MAN1C1: variants seen among roughly 807,000 people sequenced by gnomAD.
MAN1C1 encodes the protein mannosyl-oligosaccharide 1,2-alpha-mannosidase IC.
A neutral mutation model predicts 71.5 loss-of-function variants in MAN1C1; 49 were observed. The ratio of observed to expected loss-of-function variants is 0.69; its 90% CI spans 0.54 to 0.87. MAN1C1 has a LOEUF of 0.87. Among genes scored for constraint, MAN1C1 ranks in the 40% least tolerant of loss-of-function variants. MAN1C1 has a pLI of 0.00. For missense variants in MAN1C1, 743 were observed against 835.0 expected, an observed-to-expected ratio of 0.89 and a Z score of 1.36; for synonymous variants, 352 against 343.7, an observed-to-expected ratio of 1.02 and a Z score of -0.27.
At position 25,731,337 on chromosome 1, in the gene MAN1C1, T is replaced by TCAC. The variant is rs1296856491; in HGVS notation, c.638-15329_638-15328insCCA. ...AAAATAACAATAATCATCATCATCGTCATCATCATCATCATCATCATCATC... is the reference window on the plus strand; with the variant it reads ...AAAATAACAATAATCATCATCATCGTCACCATCATCATCATCATCATCATCATC... On this transcript the variant is annotated intron_variant, in intron 2 of 11. Transcript: ENST00000374332. 6.4e-3 allele frequency among the ~76,000 whole-genome samples: 626 copies of TCAC among 97,736 alleles called. 2 individuals carry two copies. Among genetic ancestry groups the TCAC allele is most frequent in the African/African-American group, 0.044 (545 of 12,444 alleles). 64.1% of individuals were successfully genotyped at this position (97,736 alleles called of 152,430 possible).
At chr1:25,733,873 T>C (rs1423957357) in intron 2 of MAN1C1, among the ~76,000 whole-genome samples, 7 of 150,840 alleles carry the variant, frequency 4.6e-5, no homozygotes, top group East Asian at 2.0e-4. Context: ...GATCTTGGCT[T>C]GCTGCAAGCT....
chr1:25,629,645 T>A (rs1316595698), intron 1 of MAN1C1, among the ~76,000 whole-genome samples: 2 of 152,132 alleles, frequency 1.3e-5, no homozygotes, highest in Non-Finnish European at 2.9e-5. Context: ...GGTCTCGAAC[T>A]CCCTACCTCA....
In MAN1C1 at chr1:25,617,159, C is replaced by T. The variant is rs1223484500; in HGVS notation, c.-639C>T. Among the ~76,000 whole-genome samples, 1 of 151,800 alleles carries T rather than the reference C, an allele frequency of 6.6e-6. No individual in the cohort carries two copies. The highest frequency in any genetic ancestry group is 2.4e-5 in the African/African-American group (1 of 41,392). ...TGCCTGCTCCTGCTCCCTGGCCACT[C>T]CGGCTCCCAGCTCCCGGCGCCCTCT... is the stretch of plus-strand genomic sequence containing the variant. On this transcript the variant is annotated 5_prime_UTR_variant, in exon 1 of 12. Transcript: ENST00000374332. This position sits in a 1 kb window ranked among gnomAD's most constrained non-coding sequence, Gnocchi z 5.1.
chr1:25,735,953 G>A lies in MAN1C1; in HGVS notation c.638-10715G>A, dbSNP rs528543157. Among the ~76,000 whole-genome samples the A allele has an allele frequency of 5.3e-5, 8 of 152,312 alleles. No homozygotes were observed. In the South Asian group the frequency reaches 6.2e-4, roughly 12 times the overall value. The stretch of plus-strand genomic sequence containing the variant: ...ACATGGAAAAGCACAAGGTTAATGG[G>A]ATAGGGATATTTACTCCTCCCAAGG... On this transcript the variant is annotated intron_variant, in intron 2 of 11. Transcript: ENST00000374332. The surrounding 1 kb of genome is among the most constrained non-coding windows in gnomAD (Gnocchi z 4.6).
chr1:25,627,045 A>T (rs12735492), intron 1 of MAN1C1, among the ~76,000 whole-genome samples: 28,755 of 152,082 alleles, frequency 0.19, 3,117 homozygotes, highest in East Asian at 0.37. Flanking sequence ...CTTCAAGTTA[A>T]TTTTTGTATA....
At chr1:25,708,938 A>G (rs2046565277) in intron 2 of MAN1C1, among the ~76,000 whole-genome samples, 1 of 152,096 alleles carries the variant, frequency 6.6e-6, no homozygotes, top group Admixed American at 6.5e-5. Context: ...AGTCCCTGGT[A>G]AATTTCATTC....
intron 1 of MAN1C1, among the ~76,000 whole-genome samples, chr1:25,623,535 T>C (rs370141781): frequency 2.0e-5 from 3 of 152,192 alleles, no homozygotes; most frequent in East Asian, 1.9e-4. Context: ...GCTTTTTCTC[T>C]AGCTTTCCCA....
At chr1:25,720,918 G>T (rs1293536982) in intron 2 of MAN1C1, among the ~76,000 whole-genome samples, 3 of 152,122 alleles carry the variant, frequency 2.0e-5, no homozygotes, top group African/African-American at 7.2e-5. Flanking sequence ...ACAATTTTTT[G>T]AAAAGACTGT....
intron 1 of MAN1C1, among the ~76,000 whole-genome samples, chr1:25,680,260 A>C (rs1210708358): frequency 6.6e-6 from 1 of 152,062 alleles, no homozygotes; most frequent in African/African-American, 2.4e-5. Flanking sequence ...ACAAGATTTC[A>C]CCATGTTGGC....
intron 1 of MAN1C1, among the ~76,000 whole-genome samples, chr1:25,667,042 TCTC>T (rs2045933506): frequency 6.6e-6 from 1 of 152,156 alleles, no homozygotes; most frequent in African/African-American, 2.4e-5. Context: ...AAAATCCTGG[TCTC>T]CTGTTAGAAG....
At chr1:25,681,672 G>A (rs2046156718) in intron 1 of MAN1C1, among the ~76,000 whole-genome samples, 1 of 152,186 alleles carries the variant, frequency 6.6e-6, no homozygotes, top group Admixed American at 6.5e-5. Context: ...AATTAGAATT[G>A]TTAGGTCATA....
Position 25,782,651 on chromosome 1 carries a change from C to A in MAN1C1, c.1717C>A (p.Pro573Thr). The A allele has an allele frequency of 6.2e-7, 1 of 1,614,084 alleles. No homozygotes were observed. Among genetic ancestry groups the A allele is most frequent in the Non-Finnish European group, 8.5e-7 (1 of 1,180,018 alleles). The change falls in exon 11 of 12, where the codon CCC (proline) becomes ACC (threonine). Residue 573 changes from proline (P) to threonine (T), a missense_variant. By Grantham distance (38) the Pro-to-Thr change is conservative. Coordinates refer to ENST00000374332, the MANE Select transcript of MAN1C1 (RefSeq NM_020379.4). This position sits in a 1 kb window ranked among gnomAD's most constrained non-coding sequence, Gnocchi z 4.4. ...SGIQDVYSSTPNHDNKQQSFF... is the reference protein window; with the variant it reads ...SGIQDVYSSTTNHDNKQQSFF... ...GATCCAAGACGTGTACAGTAGCACC[C>A]CCAACCACGACAACAAGCAGCAGAG... is the stretch of plus-strand genomic sequence containing the variant.
intron 1 of MAN1C1, among the ~76,000 whole-genome samples, chr1:25,673,431 C>T (rs2046021834): frequency 6.6e-6 from 1 of 152,142 alleles, no homozygotes; most frequent in South Asian, 2.1e-4. Flanking sequence ...GATACTTGGG[C>T]AAGTACCTCA....
intron 1 of MAN1C1, among the ~76,000 whole-genome samples, chr1:25,661,925 G>T (rs1296668135): frequency 1.3e-5 from 2 of 152,168 alleles, no homozygotes; most frequent in Non-Finnish European, 2.9e-5. Flanking sequence ...AAAGCCAAAT[G>T]ATCTACGGTC....
At chr1:25,772,861 TC>T (rs1557802936) in intron 8 of MAN1C1, among the ~76,000 whole-genome samples, 2 of 152,274 alleles carry the variant, frequency 1.3e-5, no homozygotes, top group East Asian at 3.9e-4. Context: ...TTCCTGCTCT[TC>T]CTCAGACACC....
rs1436763929 is a variant in MAN1C1, at chr1:25,769,968, A to AT, written c.1142-1688dup. On this transcript the variant is annotated intron_variant, in intron 7 of 11. Coordinates refer to ENST00000374332, the MANE Select transcript of MAN1C1 (RefSeq NM_020379.4). The surrounding 1 kb of genome is among the most constrained non-coding windows in gnomAD (Gnocchi z 4.8). Reference sequence around the variant, plus strand: ...GAATGCCTGAGCCCCCGCGTGGGGAATGAGGTGGGGAGGGTGCGCCACACC... The same window carrying AT: ...GAATGCCTGAGCCCCCGCGTGGGGAATTGAGGTGGGGAGGGTGCGCCACACC... Among the ~76,000 whole-genome samples, 1 of 151,872 alleles carries AT rather than the reference A, an allele frequency of 6.6e-6. No individual in the cohort carries two copies. Among genetic ancestry groups the AT allele is most frequent in the Non-Finnish European group, 1.5e-5 (1 of 67,916 alleles).
At position 25,635,268 on chromosome 1, in the gene MAN1C1, G is replaced by A. The variant is rs149250668; in HGVS notation, c.540+16931G>A. Among the ~76,000 whole-genome samples, 214 of 151,872 alleles carry A rather than the reference G, an allele frequency of 1.4e-3. 1 individual carries two copies. Among genetic ancestry groups the A allele is most frequent in the African/African-American group, 4.5e-3 (186 of 41,440 alleles). ...GTAGAGCATTATATAAAGCCAAGAA[G>A]TTTTTTTGGGGGGGGTTAATTATTA... is the stretch of plus-strand genomic sequence containing the variant. On this transcript the variant is annotated intron_variant, in intron 1 of 11. Transcript: ENST00000374332.
intron 1 of MAN1C1, among the ~76,000 whole-genome samples, chr1:25,621,400 G>A (rs2124746665): frequency 6.6e-6 from 1 of 152,324 alleles, no homozygotes; most frequent in Non-Finnish European, 1.5e-5. Flanking sequence ...ATGTAAAGGG[G>A]TGAAGGCTTG....
At position 25,671,036 on chromosome 1, in the gene MAN1C1, C is replaced by T. The variant is rs574396077; in HGVS notation, c.541-15404C>T. Among the ~76,000 whole-genome samples the T allele has an allele frequency of 4.6e-5, 7 of 152,238 alleles. No individual in the cohort carries two copies. The South Asian group carries it at 1.5e-3, about 32-fold the overall frequency. On this transcript the variant is annotated intron_variant, in intron 1 of 11. Transcript: ENST00000374332. ...GGACCACAGGTGCGTGCCACCATGCCCAGTTAATTTTTTTGTATTTTCAGT... is the reference window on the plus strand; with the variant it reads ...GGACCACAGGTGCGTGCCACCATGCTCAGTTAATTTTTTTGTATTTTCAGT...
Sources: gnomAD v4.1 joint callset for allele counts (sites outside exome capture counted in the v4.1 genomes callset) on GRCh38, gnomAD v4.1.1 for gene constraint, Gnocchi (gnomAD v3.1) non-coding constraint, MANE v1.5 for transcripts, NCBI Gene and HGNC (gene_info 2026-07-23, HGNC 2026-07-21) for gene names.